Variants in TBC1D1 observed in about 807,000 individuals in gnomAD.
TBC1D1 encodes TBC1 domain family member 1, also known as TBC1 (tre-2/USP6, BUB2, cdc16) domain family, member 1.
Under a neutral mutation model 125.6 loss-of-function variants are expected in TBC1D1, and 89 were observed. The ratio of observed to expected loss-of-function variants is 0.71; its 90% confidence interval spans 0.60 to 0.85. TBC1D1 has a LOEUF of 0.85. Ranked by LOEUF, TBC1D1 falls within the 40% of genes least tolerant of loss-of-function variation. TBC1D1 has a pLI of 0.00. For synonymous variants in TBC1D1, 565 were observed against 564.1 expected (o/e 1.00, Z -0.02); for missense variants, 1,377 against 1,469.2 (o/e 0.94, Z 1.03).
chr4:38,029,725 A>G (rs925821836), intron 7 of TBC1D1, among the ~76,000 whole-genome samples: 1 of 152,182 alleles, frequency 6.6e-6, no homozygotes, highest in Admixed American at 6.6e-5. Flanking sequence ...CTCCTTCTAC[A>G]GTAGAATTGG....
chr4:37,970,164 G>A (rs923851999), intron 2 of TBC1D1, among the ~76,000 whole-genome samples: 4 of 152,200 alleles, frequency 2.6e-5, no homozygotes, highest in African/African-American at 9.7e-5. Flanking sequence ...AAGGGCAGCT[G>A]GGTTGTTTCC....
At chr4:37,982,062 C>G (rs1296929889) in intron 2 of TBC1D1, among the ~76,000 whole-genome samples, 1 of 152,066 alleles carries the variant, frequency 6.6e-6, no homozygotes, top group Non-Finnish European at 1.5e-5. Flanking sequence ...TACAACTTGC[C>G]CTTCCATCAT....
chr4:37,984,833 C>T (rs991908592), intron 2 of TBC1D1, among the ~76,000 whole-genome samples: 16 of 148,310 alleles, frequency 1.1e-4, no homozygotes, highest in African/African-American at 3.7e-4. Context: ...CAGAGTGAGA[C>T]CCTGTCTCAA....
chr4:38,093,702 G>T lies in TBC1D1; in HGVS notation c.2237-2227G>T, dbSNP rs1032011045. Among the ~76,000 whole-genome samples, 1,205 of 135,148 alleles carry T rather than the reference G, an allele frequency of 8.9e-3. 23 individuals carry two copies. The highest frequency in any genetic ancestry group is 0.028 in the African/African-American group (1,106 of 40,196). The allele number at this position is 135,148 out of a possible 152,430, so 88.7% of individuals were successfully genotyped here. A position where few individuals can be genotyped will look rare whatever the true frequency, so the allele number is the denominator to read the frequency against. Reference sequence around the variant, plus strand: ...ACCCGGCTAATTTTTATTATTAGTAGTAGTAGTAGTAGTAGAGATGGGGTT... The same window carrying T: ...ACCCGGCTAATTTTTATTATTAGTATTAGTAGTAGTAGTAGAGATGGGGTT... On this transcript the variant is annotated intron_variant, in intron 13 of 19. Coordinates refer to ENST00000261439, the MANE Select transcript of TBC1D1 (RefSeq NM_015173.4).
intron 7 of TBC1D1, chr4:38,030,256 T>G (rs1745876003): frequency 6.6e-6 from 1 of 152,260 alleles, no homozygotes; most frequent in South Asian, 2.1e-4. Flanking sequence ...ATGCAGGCTT[T>G]TAGACACTGA....
intron 1 of TBC1D1, among the ~76,000 whole-genome samples, chr4:37,900,565 G>C (rs575672736): frequency 2.6e-4 from 39 of 152,212 alleles, no homozygotes; most frequent in African/African-American, 8.7e-4. Context: ...CAGATGCAAC[G>C]CCTGCCTTCA....
At chr4:38,038,683 C>A (rs2152461145) in intron 8 of TBC1D1, among the ~76,000 whole-genome samples, 1 of 152,292 alleles carries the variant, frequency 6.6e-6, no homozygotes, top group Non-Finnish European at 1.5e-5. Context: ...CGCAGTGGCT[C>A]ACGCCTGTAA....
chr4:38,042,477 A>T (rs1748592815), intron 8 of TBC1D1, among the ~76,000 whole-genome samples: 1 of 151,192 alleles, frequency 6.6e-6, no homozygotes, highest in Admixed American at 6.6e-5. Context: ...CTGGTCTCGA[A>T]CTCCTGACCT....
intron 12 of TBC1D1, among the ~76,000 whole-genome samples, chr4:38,055,696 A>C (rs2152489399): frequency 6.6e-6 from 1 of 152,228 alleles, no homozygotes; most frequent in Non-Finnish European, 1.5e-5. Context: ...TGCTGAGCCT[A>C]GCCAGGGTTT....
chr4:38,030,677 C>T (rs1051283216), intron 7 of TBC1D1, among the ~76,000 whole-genome samples: 2 of 152,190 alleles, frequency 1.3e-5, no homozygotes, highest in African/African-American at 4.8e-5. Context: ...GGTGGCTTTG[C>T]AGTTTCCTGA....
intron 15 of TBC1D1, among the ~76,000 whole-genome samples, chr4:38,103,402 G>A (rs1331470181): frequency 6.6e-6 from 1 of 152,184 alleles, no homozygotes; most frequent in Non-Finnish European, 1.5e-5. Context: ...TGTTCATTAA[G>A]GCTGCAGTCA....
intron 14 of TBC1D1, among the ~76,000 whole-genome samples, chr4:38,101,362 T>C (rs1006608699): frequency 6.6e-6 from 1 of 152,234 alleles, no homozygotes; most frequent in Non-Finnish European, 1.5e-5. Context: ...TTCAGTCTTC[T>C]TGCTCTCCCC....
intron 1 of TBC1D1, among the ~76,000 whole-genome samples, chr4:37,895,527 A>C (rs562035581): frequency 5.0e-4 from 76 of 152,238 alleles, no homozygotes; most frequent in African/African-American, 1.7e-3. Flanking sequence ...AACATGACGA[A>C]ATCTCATCTC....
intron 2 of TBC1D1, among the ~76,000 whole-genome samples, chr4:37,921,991 CTTAT>C (rs911283848): frequency 6.6e-6 from 1 of 152,136 alleles, no homozygotes; most frequent in African/African-American, 2.4e-5. Flanking sequence ...CCCACCTTGG[CTTAT>C]TTAAGTGCTG....
intron 1 of TBC1D1, among the ~76,000 whole-genome samples, chr4:37,895,633 G>A (rs1192536743): frequency 6.6e-6 from 1 of 152,188 alleles, no homozygotes. Flanking sequence ...GAACCCAGGG[G>A]GCGGAGGATG....
At chr4:37,899,992 G>A (rs1715508873) in intron 1 of TBC1D1, among the ~76,000 whole-genome samples, 1 of 151,894 alleles carries the variant, frequency 6.6e-6, no homozygotes, top group Admixed American at 6.6e-5. Context: ...GCGGTGGCAG[G>A]CGCCTGTAGT....
chr4:38,012,824 T>G (rs1741791407), intron 2 of TBC1D1, among the ~76,000 whole-genome samples: 1 of 151,848 alleles, frequency 6.6e-6, no homozygotes, highest in African/African-American at 2.4e-5. Context: ...GAGACAGTCT[T>G]GTGCTGTCAC....
At position 38,014,975 on chromosome 4, in the gene TBC1D1, TAAA is replaced by T. The variant is rs1482401376; in HGVS notation, c.882+4_882+6del. 3.3e-6 allele frequency: 5 copies of T among 1,527,498 alleles called. No homozygotes were observed. In the African/African-American group the frequency reaches 4.2e-5, roughly 13 times the overall value. 94.6% of individuals were successfully genotyped at this position (1,527,498 alleles called of 1,614,324 possible). ...GAAAATCGAACTATGCTCTTCACGG[TAAA>T]ATATCACCCAGCTCGTGCACAGCCC... On this transcript the variant is annotated splice_donor_5th_base_variant and intron_variant, in intron 3 of 19. Coordinates refer to ENST00000261439, the MANE Select transcript of TBC1D1 (RefSeq NM_015173.4). The surrounding 1 kb of genome is among the most constrained non-coding windows in gnomAD (Gnocchi z 5.1).
At chr4:37,919,695 A>G (rs555101527) in intron 2 of TBC1D1, among the ~76,000 whole-genome samples, 6 of 152,238 alleles carry the variant, frequency 3.9e-5, no homozygotes, top group Admixed American at 6.5e-5. Flanking sequence ...GACACTATCA[A>G]TGCTAAGTGA....
Sources: allele counts gnomAD v4.1 joint callset (sites outside exome capture counted in the v4.1 genomes callset), GRCh38; gene constraint gnomAD v4.1.1; non-coding constraint Gnocchi (gnomAD v3.1); transcripts MANE v1.5; gene names NCBI Gene and HGNC (gene_info 2026-07-23, HGNC 2026-07-21).